The following VPS13B variants were observed in gnomAD, a reference collection of about 807,000 sequenced individuals.
The protein encoded by VPS13B is intermembrane lipid transfer protein VPS13B.
Under a neutral mutation model 426.4 loss-of-function variants are expected in VPS13B, and 285 were observed. The observed-to-expected ratio is 0.67, with a 90% CI of 0.61 to 0.74. The LOEUF (loss-of-function observed/expected upper bound fraction) is 0.74. Ranked by LOEUF, VPS13B falls within the 30% of genes least tolerant of loss-of-function variation. The pLI, the probability that VPS13B is intolerant of heterozygous loss-of-function variation, is 0.00. For synonymous variants in VPS13B, 1,676 were observed against 1,676.4 expected (o/e 1.00, Z 0.01); for missense variants, 4,537 against 4,782.6 (o/e 0.95, Z 1.51).
At chr8:99,628,691 A>G (rs1394366074) in intron 33 of VPS13B, among the ~76,000 whole-genome samples, 1 of 152,118 alleles carries the variant, frequency 6.6e-6, no homozygotes, top group African/African-American at 2.4e-5. Context: ...TCCGAGACAA[A>G]CTATGTAGGA....
intron 19 of VPS13B, chr8:99,340,651 C>G: frequency 2.4e-6 from 1 of 412,952 alleles, no homozygotes; most frequent in South Asian, 2.0e-5. Context: ...CACTTTCTTC[C>G]TTGCTAGGAG....
intron 20 of VPS13B, among the ~76,000 whole-genome samples, chr8:99,385,355 T>C (rs188282236): frequency 2.5e-4 from 38 of 152,324 alleles, no homozygotes; most frequent in Admixed American, 4.6e-4. Flanking sequence ...TGGAATAGTT[T>C]TGTATCGTTT....
At chr8:99,269,588 C>A (rs1818469237) in intron 17 of VPS13B, among the ~76,000 whole-genome samples, 1 of 152,188 alleles carries the variant, frequency 6.6e-6, no homozygotes, top group Admixed American at 6.5e-5. Flanking sequence ...TAGTGACTAG[C>A]CTTAAGCCAC....
intron 2 of VPS13B, among the ~76,000 whole-genome samples, chr8:99,020,678 T>C (rs1456606721): frequency 6.6e-5 from 10 of 152,248 alleles, no homozygotes; most frequent in Admixed American, 3.9e-4. Context: ...TCAGTTTTCC[T>C]AACACCATTT....
chr8:99,120,967 C>A (rs748110621), intron 7 of VPS13B, among the ~76,000 whole-genome samples: 1 of 152,098 alleles, frequency 6.6e-6, no homozygotes, highest in Non-Finnish European at 1.5e-5. Flanking sequence ...TTAACCATAA[C>A]CTACTAAAGG....
chr8:99,829,285 T>G (rs1814908267), intron 51 of VPS13B, among the ~76,000 whole-genome samples: 1 of 152,148 alleles, frequency 6.6e-6, no homozygotes, highest in East Asian at 1.9e-4. Context: ...TCTTGGAGGC[T>G]TTGTTCGTTC....
chr8:99,817,186 G>C (rs754415104), intron 44 of VPS13B, among the ~76,000 whole-genome samples: 9 of 151,720 alleles, frequency 5.9e-5, no homozygotes, highest in Non-Finnish European at 1.2e-4. Flanking sequence ...TTCTGGGTTT[G>C]AGCTTCTACC....
At position 99,088,642 on chromosome 8, in the gene VPS13B, C is replaced by T. The variant is rs183834238; in HGVS notation, c.292-7670C>T. On this transcript the variant is annotated intron_variant, in intron 3 of 61. Transcript: ENST00000357162. ...TTATAATAATCTATTGCTAATGTTT[C>T]TGCTTTTGCTCTTGGCCAAATACTC... is the stretch of plus-strand genomic sequence containing the variant. Among the ~76,000 whole-genome samples, 18 of 152,294 alleles carry T rather than the reference C, an allele frequency of 1.2e-4. No individual in the cohort carries two copies. In the East Asian group the frequency reaches 2.1e-3, roughly 18 times the overall value.
intron 57 of VPS13B, 85 bp downstream of exon 57, chr8:99,859,565 A>C: frequency 1.3e-6 from 2 of 1,540,778 alleles, no homozygotes; most frequent in East Asian, 4.6e-5. Flanking sequence ...TTTTAAATGC[A>C]TTCAGATTGC....
intron 21 of VPS13B, among the ~76,000 whole-genome samples, chr8:99,415,514 CT>C (rs968677060): frequency 2.0e-5 from 3 of 152,094 alleles, no homozygotes; most frequent in African/African-American, 7.2e-5. Flanking sequence ...AATTTACAGC[CT>C]TTTTAGGCTG....
intron 19 of VPS13B, among the ~76,000 whole-genome samples, chr8:99,343,146 T>C (rs1811346098): frequency 6.6e-6 from 1 of 151,210 alleles, no homozygotes; most frequent in African/African-American, 2.4e-5. Flanking sequence ...CAGGCTGGAG[T>C]GCAGTGGCAC....
chr8:99,544,198 T>C (rs1223389445), intron 30 of VPS13B, among the ~76,000 whole-genome samples: 1 of 152,018 alleles, frequency 6.6e-6, no homozygotes, highest in Non-Finnish European at 1.5e-5. Context: ...TCATTCTCAG[T>C]AGACTATCGC....
intron 23 of VPS13B, 122 bp from the exon 24 acceptor site, chr8:99,467,292 A>G: frequency 2.9e-6 from 3 of 1,044,054 alleles, no homozygotes; most frequent in South Asian, 1.3e-5. Context: ...GGAATACTAT[A>G]TTCACTTTTT....
chr8:99,819,670 G>A (rs1814254640), intron 48 of VPS13B, 88 bp downstream of exon 48: 3 of 1,429,394 alleles, frequency 2.1e-6, no homozygotes, highest in East Asian at 2.4e-5. Flanking sequence ...CATAAGTGGT[G>A]TGTGCATGTA....
At chr8:99,313,069 C>G (rs929655617) in intron 19 of VPS13B, among the ~76,000 whole-genome samples, 7 of 152,124 alleles carry the variant, frequency 4.6e-5, no homozygotes, top group Non-Finnish European at 1.0e-4. Flanking sequence ...AGCCATTCAT[C>G]TAATCTTTTT....
intron 34 of VPS13B, 141 bp downstream of exon 34, chr8:99,642,639 A>C: frequency 2.7e-6 from 2 of 729,650 alleles, no homozygotes; most frequent in Non-Finnish European, 2.2e-6. Flanking sequence ...CATGTTCCAC[A>C]GCTGAATCCT....
At chr8:99,874,440 G>T (rs529364702) in intron 61 of VPS13B, among the ~76,000 whole-genome samples, 1 of 152,076 alleles carries the variant, frequency 6.6e-6, no homozygotes, top group Non-Finnish European at 1.5e-5. Flanking sequence ...GCCATCGCAC[G>T]GACTTTCTCC....
intron 19 of VPS13B, among the ~76,000 whole-genome samples, chr8:99,377,743 T>C (rs1813564623): frequency 6.6e-6 from 1 of 152,226 alleles, no homozygotes; most frequent in East Asian, 1.9e-4. Flanking sequence ...ACATCACATG[T>C]TGGCAGGTTC....
rs187548241 is a variant in VPS13B at position 99,199,106 on chromosome 8, A to G, written c.2515+6049A>G. 3.3e-5 allele frequency among the ~76,000 whole-genome samples: 5 copies of G among 152,354 alleles called. No homozygotes were observed. The East Asian group carries it at 7.7e-4, about 23-fold the overall frequency. On this transcript the variant is annotated intron_variant, in intron 17 of 61. Coordinates refer to ENST00000357162, the MANE Select transcript of VPS13B (RefSeq NM_152564.5). ...CATTTCCCACATTAATAAAGAGATT[A>G]TACAAGCTGTGTACATTTTTGGATC...
Sources: gnomAD v4.1 joint callset for allele counts (sites outside exome capture counted in the v4.1 genomes callset) on GRCh38, gnomAD v4.1.1 for gene constraint, MANE v1.5 for transcripts, NCBI Gene and HGNC (gene_info 2026-07-23, HGNC 2026-07-21) for gene names.